The following CNTN3 variants were observed in gnomAD, a reference collection of about 807,000 sequenced individuals.
The protein encoded by CNTN3 is contactin 3.
CNTN3 carries 60 observed loss-of-function variants against 119.1 expected under a neutral mutation model. That is an observed-to-expected ratio of 0.50 (90% CI 0.41 to 0.62). The LOEUF (loss-of-function observed/expected upper bound fraction) is 0.62, where lower values mean the gene tolerates loss of function less well. Among genes scored for constraint, CNTN3 ranks in the 20% least tolerant of loss-of-function variants. The probability of loss-of-function intolerance (pLI) is 0.00; values close to 1 mark genes in which losing one functional copy is unlikely to be tolerated. For missense variants in CNTN3, 1,101 were observed against 1,242.4 expected, an observed-to-expected ratio of 0.89 and a Z score of 1.71; for synonymous variants, 450 against 438.7, an observed-to-expected ratio of 1.03 and a Z score of -0.32.
intron 1 of CNTN3, among the ~76,000 whole-genome samples, chr3:74,613,443 T>C (rs1351248561): frequency 6.6e-6 from 1 of 152,188 alleles, no homozygotes; most frequent in Non-Finnish European, 1.5e-5. Flanking sequence ...GTTAGCAGAC[T>C]GGCTACCCCT....
At chr3:74,433,745 T>C (rs766349387) in intron 4 of CNTN3, among the ~76,000 whole-genome samples, 12 of 152,182 alleles carry the variant, frequency 7.9e-5, no homozygotes, top group Non-Finnish European at 1.3e-4. Flanking sequence ...GCCATGCACA[T>C]AAGGCTCCCA....
At chr3:74,437,941 G>C (rs917208754) in intron 4 of CNTN3, among the ~76,000 whole-genome samples, 3 of 152,138 alleles carry the variant, frequency 2.0e-5, no homozygotes, top group Non-Finnish European at 4.4e-5. Context: ...AATAAAGAAA[G>C]CTGTATTTTC....
In CNTN3 at chr3:74,269,337, G is replaced by C. The variant is rs533755354; in HGVS notation, c.2705-1959C>G. 2.0e-5 allele frequency among the ~76,000 whole-genome samples: 3 copies of C among 151,802 alleles called. No individual in the cohort carries two copies. In the East Asian group the frequency reaches 5.8e-4, roughly 29 times the overall value. On this transcript the variant is annotated intron_variant, in intron 20 of 22. Transcript: ENST00000263665. ...AACATTCTAAATTTTTATAATGTTC[G>C]CGAACTACCTTAAGATCATCTCTTA...
intron 5 of CNTN3, among the ~76,000 whole-genome samples, chr3:74,391,557 CTTTTTTTTTTTTTT>C (rs554976641): frequency 1.1e-5 from 1 of 87,030 alleles, no homozygotes; most frequent in African/African-American, 4.7e-5. Context: ...CCCATAGTTT[CTTTTTTTTTTTTTT>C]TTTTTTTTTT....
chr3:74,541,297 A>G lies in CNTN3; in HGVS notation c.-80-20105T>C, dbSNP rs1255271733. ...TTTACACTACTCAACATGCACAAAA[A>G]TGATCATAGCAGCATCATAGCTAAT... On this transcript the variant is annotated intron_variant, in intron 1 of 22. Transcript: ENST00000263665. 2.0e-5 allele frequency among the ~76,000 whole-genome samples: 3 copies of G among 152,172 alleles called. No homozygotes were observed. The East Asian group carries it at 5.8e-4, about 29-fold the overall frequency.
chr3:74,301,584 C>T, intron 15 of CNTN3, 37 bp from the exon 16 acceptor site: 4 of 1,612,158 alleles, frequency 2.5e-6, no homozygotes, highest in Non-Finnish European at 3.4e-6. Flanking sequence ...AGTCTGCCTG[C>T]TTTAGCATTG....
chr3:74,535,033 C>T (rs1383576993), intron 1 of CNTN3, among the ~76,000 whole-genome samples: 2 of 151,968 alleles, frequency 1.3e-5, no homozygotes, highest in Non-Finnish European at 2.9e-5. Context: ...TAATTGACAC[C>T]TTGTCTGGAG....
intron 2 of CNTN3, among the ~76,000 whole-genome samples, chr3:74,502,886 TTTG>T (rs1404807484): frequency 6.6e-6 from 1 of 152,230 alleles, no homozygotes; most frequent in Non-Finnish European, 1.5e-5. Flanking sequence ...TATGCATGTG[TTTG>T]TTATTTATTT....
chr3:74,402,322 G>A (rs1705218653), intron 5 of CNTN3, among the ~76,000 whole-genome samples: 1 of 151,920 alleles, frequency 6.6e-6, no homozygotes, highest in East Asian at 1.9e-4. Flanking sequence ...ATTTAACGAT[G>A]GGCCATTTTT....
chr3:74,574,917 A>C (rs1207108073), intron 1 of CNTN3, among the ~76,000 whole-genome samples: 1 of 139,284 alleles, frequency 7.2e-6, no homozygotes, highest in Non-Finnish European at 1.5e-5. Flanking sequence ...TTTTCCCAGA[A>C]GCATTTTCTT....
At chr3:74,486,703 C>A (rs1447374262) in intron 3 of CNTN3, 72 bp from the exon 4 acceptor site, 48 of 1,256,366 alleles carry the variant, frequency 3.8e-5, no homozygotes, top group Non-Finnish European at 5.0e-5. Context: ...ATTATAAAAT[C>A]TACTTTAAAC....
At chr3:74,604,613 T>C (rs1282367626) in intron 1 of CNTN3, among the ~76,000 whole-genome samples, 1 of 152,124 alleles carries the variant, frequency 6.6e-6, no homozygotes, top group Non-Finnish European at 1.5e-5. Flanking sequence ...TAATGAGCTA[T>C]CACCTTACAC....
At chr3:74,392,869 C>A (rs1043004531) in intron 5 of CNTN3, among the ~76,000 whole-genome samples, 1 of 151,992 alleles carries the variant, frequency 6.6e-6, no homozygotes, top group Non-Finnish European at 1.5e-5. Context: ...GTTAAGTGGA[C>A]AGCTTGGTGA....
At chr3:74,321,768 T>C (rs1702997943) in intron 13 of CNTN3, among the ~76,000 whole-genome samples, 1 of 152,218 alleles carries the variant, frequency 6.6e-6, no homozygotes, top group African/African-American at 2.4e-5. Flanking sequence ...AACAATGCTA[T>C]GTCTACAAAT....
At chr3:74,516,278 T>C (rs1034048390) in intron 2 of CNTN3, among the ~76,000 whole-genome samples, 2 of 143,944 alleles carry the variant, frequency 1.4e-5, no homozygotes, top group African/African-American at 2.9e-5. Flanking sequence ...ATTGCACAAG[T>C]CCACATTTGC....
chr3:74,544,619 G>A (rs531925547), intron 1 of CNTN3, among the ~76,000 whole-genome samples: 1 of 152,040 alleles, frequency 6.6e-6, no homozygotes, highest in Admixed American at 6.6e-5. Flanking sequence ...CAGTGCGGGG[G>A]ACAGAGTCTT....
Position 74,383,641 on chromosome 3 carries a change from C to T in CNTN3, c.455-12242G>A, listed in dbSNP as rs568299834. On this transcript the variant is annotated intron_variant, in intron 5 of 22. Transcript: ENST00000263665. ...GCTGGGACCACAGTGCATGCCATGA[C>T]GCCTGGCTAATTTTCTAATTTTCTG... Among the ~76,000 whole-genome samples the T allele has an allele frequency of 4.2e-4, 64 of 152,138 alleles. No homozygotes were observed. In the South Asian group the frequency reaches 0.012, roughly 29 times the overall value.
Position 74,292,002 on chromosome 3 carries a change from C to G in CNTN3, c.2517+3119G>C, listed in dbSNP as rs988816537. On this transcript the variant is annotated intron_variant, in intron 19 of 22. Transcript: ENST00000263665. Reference sequence around the variant, plus strand: ...GCCAATGTCATTGGAAATTTCTCTTCTATGTTTTCCTCAGTTGCAATTTTC... The same window carrying G: ...GCCAATGTCATTGGAAATTTCTCTTGTATGTTTTCCTCAGTTGCAATTTTC... Among the ~76,000 whole-genome samples, 28 of 152,238 alleles carry G rather than the reference C, an allele frequency of 1.8e-4. 1 individual carries two copies. Among genetic ancestry groups the G allele is most frequent in the African/African-American group, 6.7e-4 (28 of 41,562 alleles).
chr3:74,429,536 T>C (rs1237622876), intron 4 of CNTN3, among the ~76,000 whole-genome samples: 2 of 152,254 alleles, frequency 1.3e-5, no homozygotes, highest in East Asian at 1.9e-4. Context: ...AGAACTTTTA[T>C]TTAAAAAATA....
Sources: allele counts gnomAD v4.1 joint callset (sites outside exome capture counted in the v4.1 genomes callset), GRCh38; gene constraint gnomAD v4.1.1; transcripts MANE v1.5; gene names NCBI Gene and HGNC (gene_info 2026-07-23, HGNC 2026-07-21).